The following TYW1B variants were observed in gnomAD, a reference collection of about 807,000 sequenced individuals.
TYW1B encodes S-adenosyl-L-methionine-dependent tRNA 4-demethylwyosine synthase TYW1B.
TYW1B carries 73 observed loss-of-function variants against 86.9 expected under a neutral mutation model. The observed-to-expected ratio is 0.84, with a 90% confidence interval of 0.70 to 1.02. The LOEUF (loss-of-function observed/expected upper bound fraction) is 1.02, where lower values mean the gene tolerates loss of function less well. Ranked by LOEUF, TYW1B falls within the 50% of genes least tolerant of loss-of-function variation. The pLI is 0.00. For missense variants in TYW1B, 637 were observed against 827.4 expected, an observed-to-expected ratio of 0.77 and a Z score of 2.82; for synonymous variants, 248 against 292.8, an observed-to-expected ratio of 0.85 and a Z score of 1.56.
intron 10 of TYW1B, 129 bp from the exon 11 acceptor site, chr7:72,694,951 A>G (rs562190410): frequency 2.7e-5 from 27 of 990,448 alleles, no homozygotes; most frequent in Non-Finnish European, 3.7e-5. Context: ...ACTTCCCCCA[A>G]AAGACTGAAC....
At chr7:72,789,879 T>C (rs1554473090) in intron 6 of TYW1B, among the ~76,000 whole-genome samples, 3 of 150,178 alleles carry the variant, frequency 2.0e-5, no homozygotes, top group Non-Finnish European at 4.4e-5. Flanking sequence ...CTAGCCTTTG[T>C]CCCCAGCTCC....
intron 2 of TYW1B, among the ~76,000 whole-genome samples, chr7:72,820,766 C>T (rs1319114478): frequency 1.3e-5 from 2 of 152,152 alleles, no homozygotes; most frequent in Non-Finnish European, 2.9e-5. Context: ...AGGCCCATCA[C>T]CAATGTGAGG....
chr7:72,734,582 C>G (rs1459928474), intron 8 of TYW1B, among the ~76,000 whole-genome samples: 18 of 152,004 alleles, frequency 1.2e-4, no homozygotes, highest in African/African-American at 4.3e-4. Context: ...AAATTACAGG[C>G]AACAAAAGTA....
intron 11 of TYW1B, among the ~76,000 whole-genome samples, chr7:72,687,745 T>C (rs1814044289): frequency 6.6e-6 from 1 of 152,076 alleles, no homozygotes; most frequent in Non-Finnish European, 1.5e-5. Context: ...TTGTTCATAA[T>C]ATATAAACTA....
chr7:72,778,980 T>C (rs1381071918), intron 6 of TYW1B, among the ~76,000 whole-genome samples: 43 of 152,124 alleles, frequency 2.8e-4, no homozygotes. Context: ...TCTCCCTATC[T>C]TTTTGGGAAT....
rs782487124 is a variant in TYW1B, at chr7:72,828,183, G to A, written c.-108C>T. On this transcript the variant is annotated 5_prime_UTR_variant, in exon 1 of 14. Coordinates refer to ENST00000620995, the MANE Select transcript of TYW1B (RefSeq NM_001145440.3). The stretch of plus-strand genomic sequence containing the variant: ...TACCTCGCGGCGTTAGCGCCGTACC[G>A]AGTGGCTGCAGAACTGTGGGCAGCT... 8.9e-6 allele frequency: 14 copies of A among 1,568,620 alleles called. No individual in the cohort carries two copies. Among genetic ancestry groups the A allele is most frequent in the South Asian group, 2.3e-5 (2 of 86,234 alleles).
intron 12 of TYW1B, among the ~76,000 whole-genome samples, chr7:72,620,696 T>G (rs1479941284): frequency 2.0e-5 from 3 of 152,096 alleles, no homozygotes; most frequent in Non-Finnish European, 2.9e-5. Flanking sequence ...TCTAAAAAAC[T>G]TTCCCTTCAT....
At chr7:72,760,070 A>G (rs1391777298) in intron 7 of TYW1B, among the ~76,000 whole-genome samples, 4 of 152,142 alleles carry the variant, frequency 2.6e-5, no homozygotes, top group South Asian at 2.1e-4. Flanking sequence ...CAAAACAAAA[A>G]AACCCTGCTA....
intron 6 of TYW1B, among the ~76,000 whole-genome samples, chr7:72,792,542 G>C (rs1348678995): frequency 6.6e-6 from 1 of 152,118 alleles, no homozygotes; most frequent in African/African-American, 2.4e-5. Flanking sequence ...AATGGAAACA[G>C]AAGGGAAACT....
At chr7:72,582,130 T>C (rs1811169105) in intron 13 of TYW1B, among the ~76,000 whole-genome samples, 1 of 151,088 alleles carries the variant, frequency 6.6e-6, no homozygotes, top group African/African-American at 2.5e-5. Flanking sequence ...ATTTAAAACT[T>C]TTCTTTTTAG....
At chr7:72,601,556 G>A (rs1204176636) in intron 13 of TYW1B, among the ~76,000 whole-genome samples, 4 of 151,968 alleles carry the variant, frequency 2.6e-5, no homozygotes, top group Admixed American at 2.6e-4. Flanking sequence ...ACAAAAACCT[G>A]TGCATTAATG....
At chr7:72,676,716 T>C (rs1263162012) in intron 11 of TYW1B, among the ~76,000 whole-genome samples, 1 of 152,120 alleles carries the variant, frequency 6.6e-6, no homozygotes, top group Non-Finnish European at 1.5e-5. Flanking sequence ...TCTCAGCACT[T>C]TGGGAGGCCG....
At chr7:72,744,936 TA>T (rs1787369108) in intron 7 of TYW1B, among the ~76,000 whole-genome samples, 1 of 152,202 alleles carries the variant, frequency 6.6e-6, no homozygotes, top group African/African-American at 2.4e-5. Context: ...AACAGACTCC[TA>T]AAAAATGGGG....
intron 11 of TYW1B, among the ~76,000 whole-genome samples, chr7:72,658,152 G>C (rs1813249114): frequency 6.6e-6 from 1 of 152,120 alleles, no homozygotes; most frequent in South Asian, 2.1e-4. Context: ...CAGCTACTTG[G>C]GAGGCTGAGA....
At chr7:72,750,695 A>G (rs1373721706) in intron 7 of TYW1B, among the ~76,000 whole-genome samples, 1 of 152,176 alleles carries the variant, frequency 6.6e-6, no homozygotes, top group Non-Finnish European at 1.5e-5. Context: ...TGCAACTCTG[A>G]TGACATAAAT....
At chr7:72,615,203 T>A (rs1467334250) in intron 13 of TYW1B, among the ~76,000 whole-genome samples, 1 of 152,228 alleles carries the variant, frequency 6.6e-6, no homozygotes, top group East Asian at 1.9e-4. Context: ...ATTTCCTCTA[T>A]CCTCATGGGA....
chr7:72,638,740 T>A (rs1223552891), intron 11 of TYW1B, among the ~76,000 whole-genome samples: 1 of 152,248 alleles, frequency 6.6e-6, no homozygotes, highest in East Asian at 1.9e-4. Flanking sequence ...AGAGATAGCA[T>A]GATTATCTAT....
At chr7:72,814,279 C>A (rs1377266546) in intron 3 of TYW1B, among the ~76,000 whole-genome samples, 4 of 151,846 alleles carry the variant, frequency 2.6e-5, no homozygotes, top group Non-Finnish European at 5.9e-5. Flanking sequence ...CACAGTGAGA[C>A]CGTATCTCTA....
intron 6 of TYW1B, among the ~76,000 whole-genome samples, chr7:72,791,433 G>T (rs1320006519): frequency 7.2e-6 from 1 of 139,814 alleles, no homozygotes; most frequent in Non-Finnish European, 1.5e-5. Context: ...AAAAAAAAAG[G>T]AAATATCAAA....
Sources: allele counts gnomAD v4.1 joint callset (sites outside exome capture counted in the v4.1 genomes callset), GRCh38; gene constraint gnomAD v4.1.1; transcripts MANE v1.5; gene names NCBI Gene and HGNC (gene_info 2026-07-23, HGNC 2026-07-21).